Variants in EIF3E observed in about 807,000 individuals in gnomAD.
EIF3E encodes the protein eIF-3 p48.
A neutral mutation model predicts 59.3 loss-of-function variants in EIF3E; 25 were observed. The observed-to-expected ratio is 0.42, with a 90% CI of 0.31 to 0.59. The LOEUF is 0.59. Ranked by LOEUF, EIF3E falls within the 20% of genes least tolerant of loss-of-function variation. The pLI, the probability that EIF3E is intolerant of heterozygous loss-of-function variation, is 0.15. For missense variants in EIF3E, 317 were observed against 534.3 expected (o/e 0.59, Z 4.01); for synonymous variants, 176 against 170.2 (o/e 1.03, Z -0.26).
intron 4 of EIF3E, 88 bp from the exon 5 acceptor site, chr8:108,235,190 T>G: frequency 1.4e-6 from 1 of 729,328 alleles, no homozygotes; most frequent in East Asian, 3.0e-5. Flanking sequence ...GTCAAAACTA[T>G]GAATGTTTAA....
Position 108,201,411 on chromosome 8 carries a change from G to A in EIF3E, c.*474C>T, listed in dbSNP as rs947969174. 1 of 152,004 alleles carries A rather than the reference G, an allele frequency of 6.6e-6. No homozygotes were observed. The highest frequency in any genetic ancestry group is 1.5e-5 in the Non-Finnish European group (1 of 68,032). The allele number at this position is 152,004 out of a possible 1,614,324, so 9.4% of individuals were successfully genotyped here. A position where few individuals can be genotyped will look rare whatever the true frequency, so the allele number is the denominator to read the frequency against. On this transcript the variant is annotated 3_prime_UTR_variant, in exon 13 of 13. Coordinates refer to ENST00000220849, the MANE Select transcript of EIF3E (RefSeq NM_001568.3). ...ATGAGGAACAGATTAGTGGTTCCTA[G>A]GGTTAGAGTTGGTTGGGAGTAGGTA...
intron 7 of EIF3E, among the ~76,000 whole-genome samples, chr8:108,218,913 A>C (rs922680824): frequency 3.3e-5 from 5 of 150,824 alleles, no homozygotes; most frequent in Non-Finnish European, 7.4e-5. Context: ...CCTCCCGAGT[A>C]GTTGGAACTA....
intron 1 of EIF3E, 175 bp from the exon 2 acceptor site, chr8:108,242,088 T>C (rs981908245): frequency 1.6e-5 from 23 of 1,455,096 alleles, no homozygotes; most frequent in African/African-American, 5.7e-5. Context: ...AACCAACCTA[T>C]AGACGTAAAA....
chr8:108,242,682 CATGCAGAACTCCTATAA>C, intron 1 of EIF3E: 1 of 1,122,670 alleles, frequency 8.9e-7, no homozygotes, highest in Non-Finnish European at 1.1e-6. Context: ...TTCCAAATTA[CATGCAGAACTCCTATAA>C]ATGAGTAAGA....
At chr8:108,244,100 C>T (rs1008168183) in intron 1 of EIF3E, among the ~76,000 whole-genome samples, 6 of 152,042 alleles carry the variant, frequency 3.9e-5, no homozygotes, top group African/African-American at 4.8e-5. Flanking sequence ...ACATGAAAAA[C>T]GAGAATCAAA....
intron 2 of EIF3E, among the ~76,000 whole-genome samples, chr8:108,240,610 T>C (rs1268556011): frequency 6.6e-6 from 1 of 152,228 alleles, no homozygotes; most frequent in East Asian, 1.9e-4. Flanking sequence ...ATTCTATCGT[T>C]CCTTTTACTA....
intron 1 of EIF3E, among the ~76,000 whole-genome samples, chr8:108,245,513 G>T (rs891689630): frequency 6.6e-6 from 1 of 152,180 alleles, no homozygotes; most frequent in African/African-American, 2.4e-5. Flanking sequence ...CCAGAAGAGC[G>T]TAGTGTTTTA....
At chr8:108,226,958 T>C (rs1815527564) in intron 7 of EIF3E, among the ~76,000 whole-genome samples, 1 of 152,224 alleles carries the variant, frequency 6.6e-6, no homozygotes, top group Non-Finnish European at 1.5e-5. Context: ...CATTTTCATT[T>C]CTACAAGATA....
At position 108,214,667 on chromosome 8, in the gene EIF3E, T is replaced by A; in HGVS notation, c.1001A>T (p.Glu334Val). 1.2e-6 allele frequency: 2 copies of A among 1,612,276 alleles called. No individual in the cohort carries two copies. Among genetic ancestry groups the A allele is most frequent in the Non-Finnish European group, 1.7e-6 (2 of 1,179,554 alleles). The change falls in exon 10 of 13, where the codon GAA (glutamate) becomes GTA (valine). Residue 334 changes from glutamate to valine, a missense_variant. Glu to Val is a moderately radical substitution (Grantham distance 121). Coordinates refer to ENST00000220849, the MANE Select transcript of EIF3E (RefSeq NM_001568.3). ...CTCAAATATGAAGAGACGGGCATTT[T>A]CAATGAAATCCTCAAGACAAGCCAC... ...FLVACLEDFI[E>V]NARLFIFETF...
chr8:108,243,162 T>G (rs1815874804), intron 1 of EIF3E: 1 of 152,184 alleles, frequency 6.6e-6, no homozygotes, highest in African/African-American at 2.4e-5. Context: ...ACTGCTATCC[T>G]AAAAACATGA....
chr8:108,230,628 CAG>C (rs1263298181), intron 5 of EIF3E, among the ~76,000 whole-genome samples: 1 of 152,100 alleles, frequency 6.6e-6, no homozygotes, highest in African/African-American at 2.4e-5. Flanking sequence ...GCAAATAACA[CAG>C]GGAGTAGATG....
chr8:108,233,734 AT>A, intron 5 of EIF3E: 1 of 297,924 alleles, frequency 3.4e-6, no homozygotes, highest in Non-Finnish European at 6.8e-6. Flanking sequence ...AGTCCTAGCT[AT>A]TCAGGAGGCA....
At chr8:108,216,634 T>A in intron 8 of EIF3E, 121 bp from the exon 9 acceptor site, 1 of 696,454 alleles carries the variant, frequency 1.4e-6, no homozygotes, top group Non-Finnish European at 2.4e-6. Context: ...CCAAATTACC[T>A]AGCATCTTCC....
chr8:108,215,433 A>T (rs1423320856), intron 9 of EIF3E, among the ~76,000 whole-genome samples: 2 of 152,052 alleles, frequency 1.3e-5, no homozygotes, highest in Non-Finnish European at 2.9e-5. Context: ...CCTGGCTAAC[A>T]TGGTGAAACC....
At chr8:108,219,190 CAT>C (rs1360973864) in intron 7 of EIF3E, among the ~76,000 whole-genome samples, 1 of 152,110 alleles carries the variant, frequency 6.6e-6, no homozygotes. Context: ...GTGTTCAACT[CAT>C]AGTTATTTTT....
intron 7 of EIF3E, among the ~76,000 whole-genome samples, chr8:108,220,116 CCTGGGCG>C (rs1318815725): frequency 6.6e-6 from 1 of 151,486 alleles, no homozygotes; most frequent in Non-Finnish European, 1.5e-5. Flanking sequence ...GCACTCCAGG[CCTGGGCG>C]ACGGAGCAAG....
intron 7 of EIF3E, among the ~76,000 whole-genome samples, chr8:108,221,066 G>GAAAAGA (rs1345816559): frequency 6.7e-6 from 1 of 149,980 alleles, no homozygotes; most frequent in African/African-American, 2.5e-5. Context: ...AGGACAGGAT[G>GAAAAGA]AAAAGAAAAA....
chr8:108,224,350 C>A (rs1364173698), intron 7 of EIF3E, among the ~76,000 whole-genome samples: 1 of 151,578 alleles, frequency 6.6e-6, no homozygotes, highest in Non-Finnish European at 1.5e-5. Flanking sequence ...TTTCATAAAT[C>A]TTAAACAGAG....
chr8:108,236,180 T>C lies in EIF3E; in HGVS notation c.347A>G (p.Tyr116Cys), dbSNP rs942233560. 4 of 1,610,616 alleles carry C rather than the reference T, an allele frequency of 2.5e-6. No homozygotes were observed. Among genetic ancestry groups the C allele is most frequent in the Non-Finnish European group, 3.4e-6 (4 of 1,178,592 alleles). ...ACTTACACCATGCTTGTCCGCCAGGTAGTCAAAGAGCATCCTACCATCCCT... is the reference window on the plus strand; with the variant it reads ...ACTTACACCATGCTTGTCCGCCAGGCAGTCAAAGAGCATCCTACCATCCCT... The part of the protein sequence containing the change: ...STRDGRMLFD[Y>C]LADKHGFRQE... The change falls in exon 4 of 13, where the codon TAC (tyrosine) becomes TGC (cysteine). Residue 116 changes from tyrosine (Y) to cysteine (C), a missense_variant. Physicochemically the swap from Tyr to Cys is radical, Grantham distance 194. Transcript: ENST00000220849.
Sources: gnomAD v4.1 joint callset for allele counts (sites outside exome capture counted in the v4.1 genomes callset) on GRCh38, gnomAD v4.1.1 for gene constraint, MANE v1.5 for transcripts, NCBI Gene and HGNC (gene_info 2026-07-23, HGNC 2026-07-21) for gene names.